Variants in MRC1 observed in about 807,000 individuals in gnomAD.
The protein encoded by MRC1 is mannose receptor C-type 1.
In MRC1, 62 loss-of-function variants were observed where a neutral mutation model predicts 102.9. The ratio of observed to expected loss-of-function variants is 0.60; its 90% CI spans 0.49 to 0.74. MRC1 has a LOEUF of 0.74. Ranked by LOEUF, MRC1 falls within the 30% of genes least tolerant of loss-of-function variation. MRC1 has a pLI of 0.00. For synonymous variants in MRC1, 457 were observed against 298.4 expected (o/e 1.53, Z -5.48); for missense variants, 1,237 against 862.8 (o/e 1.43, Z -5.43).
At chr10:17,896,159 G>T (rs929625365) in intron 23 of MRC1, among the ~76,000 whole-genome samples, 1 of 152,128 alleles carries the variant, frequency 6.6e-6, no homozygotes, top group East Asian at 1.9e-4. Flanking sequence ...CCTGAGTAGA[G>T]TTCTTAAAGG....
At chr10:17,877,766 G>A in intron 17 of MRC1, 134 bp from the exon 18 acceptor site, 1 of 747,298 alleles carries the variant, frequency 1.3e-6, no homozygotes, top group Non-Finnish European at 2.5e-6. Flanking sequence ...AATATAGAAT[G>A]TACTACATTT....
At chr10:17,816,173 A>C (rs1554837877) in intron 1 of MRC1, among the ~76,000 whole-genome samples, 1 of 152,202 alleles carries the variant, frequency 6.6e-6, no homozygotes, top group African/African-American at 2.4e-5. Context: ...GGTGCAGGGT[A>C]AATATTTGTT....
intron 1 of MRC1, among the ~76,000 whole-genome samples, chr10:17,810,805 A>G (rs969129066): frequency 1.4e-4 from 22 of 152,280 alleles, no homozygotes; most frequent in Admixed American, 4.6e-4. Flanking sequence ...TTTTATTTTT[A>G]TTTTTGAGAC....
In MRC1 at chr10:17,833,180, T is replaced by C. The variant is rs1181834511; in HGVS notation, c.638-495T>C. On this transcript the variant is annotated intron_variant, in intron 3 of 29. Coordinates refer to ENST00000569591, the MANE Select transcript of MRC1 (RefSeq NM_002438.4). Reference sequence around the variant, plus strand: ...ATCCTTTGAAACCTCATCCCCTACTTCCTATTTCATTTCAGGAGTAAAGAA... The same window carrying C: ...ATCCTTTGAAACCTCATCCCCTACTCCCTATTTCATTTCAGGAGTAAAGAA... 2.0e-5 allele frequency among the ~76,000 whole-genome samples: 3 copies of C among 152,244 alleles called. No individual in the cohort carries two copies. The East Asian group carries it at 5.8e-4, about 29-fold the overall frequency.
intron 3 of MRC1, among the ~76,000 whole-genome samples, chr10:17,832,687 A>C (rs959289809): frequency 1.3e-5 from 2 of 149,940 alleles, no homozygotes; most frequent in Non-Finnish European, 3.0e-5. Context: ...TCCCGGGTTC[A>C]CGCCATTCTC....
rs1833838589 is a variant in MRC1, at chr10:17,902,231, A to G, written c.3799+109A>G. On this transcript the variant is annotated intron_variant, in intron 26 of 29. Transcript: ENST00000569591. ...TGTAAAAATACCTGTTTATATTTTT[A>G]ATGATTTATTTTATAACAGAATGGC... 3.3e-5 allele frequency: 22 copies of G among 659,250 alleles called. No homozygotes were observed. The South Asian group carries it at 4.0e-4, about 12-fold the overall frequency. The allele number at this position is 659,250 out of a possible 1,614,324, so 40.8% of individuals were successfully genotyped here. A position where few individuals can be genotyped will look rare whatever the true frequency, so the allele number is the denominator to read the frequency against.
chr10:17,832,411 C>T (rs1042487564), intron 3 of MRC1, among the ~76,000 whole-genome samples: 40 of 149,888 alleles, frequency 2.7e-4, no homozygotes, highest in Non-Finnish European at 5.2e-4. Context: ...AAAAATTAGC[C>T]GGGCGTGGCG....
chr10:17,856,792 T>C (rs998470183), intron 9 of MRC1, among the ~76,000 whole-genome samples: 11 of 152,116 alleles, frequency 7.2e-5, no homozygotes, highest in Non-Finnish European at 1.5e-4. Flanking sequence ...CCTTAGTCAT[T>C]TTTTTCCCAT....
chr10:17,887,684 T>A (rs1359488826), intron 22 of MRC1, among the ~76,000 whole-genome samples: 2 of 152,184 alleles, frequency 1.3e-5, no homozygotes, highest in African/African-American at 4.8e-5. Flanking sequence ...TCTCACCAAT[T>A]CAGAAAAACA....
intron 5 of MRC1, chr10:17,845,067 T>C: frequency 1.3e-6 from 1 of 768,820 alleles, no homozygotes; most frequent in Non-Finnish European, 2.4e-6. Flanking sequence ...ATTTGCTTTA[T>C]CAACATTCTA....
At chr10:17,878,775 G>A (rs1165739944) in intron 18 of MRC1, among the ~76,000 whole-genome samples, 5 of 151,948 alleles carry the variant, frequency 3.3e-5, no homozygotes, top group African/African-American at 7.3e-5. Context: ...CAATCCTTCC[G>A]CTTCAGCCTC....
At chr10:17,843,323 CCTTTATGCTTATTACTAACTTTATGATAA>C (rs1205635799) in intron 5 of MRC1, among the ~76,000 whole-genome samples, 3 of 152,046 alleles carry the variant, frequency 2.0e-5, no homozygotes, top group Non-Finnish European at 4.4e-5. Context: ...GTTTAAGATA[CCTTTATGCTTATTACTAACTTTATGATAA>C]CTTTATGCTT....
intron 2 of MRC1, 127 bp from the exon 3 acceptor site, chr10:17,827,412 AAAT>A: frequency 2.5e-5 from 9 of 366,254 alleles, no homozygotes; most frequent in Middle Eastern, 1.0e-3. Context: ...AAAAAAAAAG[AAAT>A]CCCTCTGTGG....
chr10:17,813,697 TA>T (rs1242667866), intron 1 of MRC1, among the ~76,000 whole-genome samples: 7,255 of 102,032 alleles, frequency 0.071, 197 homozygotes, highest in South Asian at 0.08. Context: ...TATATATATA[TA>T]TATTTTTTTT....
In MRC1 at chr10:17,827,638, G is replaced by A. The variant is rs1554838755; in HGVS notation, c.560G>A (p.Arg187Gln). 42 of 780,720 alleles carry A rather than the reference G, an allele frequency of 5.4e-5. No individual in the cohort carries two copies. Among genetic ancestry groups the A allele is most frequent in the South Asian group, 4.8e-4 (36 of 74,608 alleles). The allele number at this position is 780,720 out of a possible 1,614,324, so 48.4% of individuals were successfully genotyped here. ...TACGCAGATTGCACGAGTGCTGGGC[G>A]GTCGGATGGATGGCTCTGGTGCGGA... Reference protein sequence around the residue: ...KWYADCTSAGRSDGWLWCGTT... With the variant: ...KWYADCTSAGQSDGWLWCGTT... The change falls in exon 3 of 30, where the codon CGG (arginine) becomes CAG (glutamine). Residue 187 changes from arginine to glutamine, a missense_variant. Arg to Gln is a conservative substitution (Grantham distance 43, BLOSUM62 1). Coordinates refer to ENST00000569591, the MANE Select transcript of MRC1 (RefSeq NM_002438.4).
At chr10:17,829,878 G>A (rs1315471563) in intron 3 of MRC1, among the ~76,000 whole-genome samples, 2 of 151,494 alleles carry the variant, frequency 1.3e-5, no homozygotes, top group African/African-American at 4.9e-5. Context: ...TTGGATGTGT[G>A]TTGGAGACGT....
At chr10:17,849,803 C>T in intron 7 of MRC1, 39 bp downstream of exon 7, 1 of 756,528 alleles carries the variant, frequency 1.3e-6, no homozygotes, top group Non-Finnish European at 2.5e-6. Flanking sequence ...TGGCTTTAAT[C>T]CTGGGAGCAC....
At chr10:17,878,323 A>G in intron 18 of MRC1, among the ~76,000 whole-genome samples, 1 of 152,198 alleles carries the variant, frequency 6.6e-6, no homozygotes, top group African/African-American at 2.4e-5. Flanking sequence ...TAACCTTGCT[A>G]ACCTTGCTGC....
intron 1 of MRC1, among the ~76,000 whole-genome samples, chr10:17,819,540 A>T (rs2130583941): frequency 6.6e-6 from 1 of 151,938 alleles, no homozygotes; most frequent in Middle Eastern, 3.4e-3. Flanking sequence ...AGAGAGAGTT[A>T]TTTAAGGAAT....
Sources: gnomAD v4.1 joint callset for allele counts (sites outside exome capture counted in the v4.1 genomes callset) on GRCh38, gnomAD v4.1.1 for gene constraint, MANE v1.5 for transcripts, NCBI Gene and HGNC (gene_info 2026-07-23, HGNC 2026-07-21) for gene names.